The following LVRN variants were observed in gnomAD, a reference collection of about 807,000 sequenced individuals.
The protein encoded by LVRN is aminopeptidase Q.
In LVRN, 99 loss-of-function variants were observed where a neutral mutation model predicts 111.4. The ratio of observed to expected loss-of-function variants is 0.89; its 90% CI spans 0.76 to 1.05. LVRN has a LOEUF of 1.05. LVRN is among the 50% of genes least tolerant of loss of function. The pLI is 0.00. For missense variants in LVRN, 1,414 were observed against 1,206.8 expected (o/e 1.17, Z -2.54); for synonymous variants, 488 against 449.5 (o/e 1.09, Z -1.08).
intron 1 of LVRN, among the ~76,000 whole-genome samples, chr5:115,980,152 C>T (rs1257276522): frequency 6.6e-6 from 1 of 152,018 alleles, no homozygotes; most frequent in African/African-American, 2.4e-5. Flanking sequence ...ACTTAATGGA[C>T]ACCATAATAG....
chr5:116,005,045 T>C (rs1302062389), intron 12 of LVRN, among the ~76,000 whole-genome samples: 1 of 152,228 alleles, frequency 6.6e-6, no homozygotes, highest in African/African-American at 2.4e-5. Context: ...ATTGAAACCA[T>C]TGTAGATTTA....
chr5:115,990,610 C>T (rs901220567), intron 4 of LVRN, among the ~76,000 whole-genome samples: 2 of 152,150 alleles, frequency 1.3e-5, no homozygotes, highest in African/African-American at 4.8e-5. Context: ...CTCACTCTAT[C>T]ACCCAGCCTA....
At chr5:116,009,154 A>G (rs1428990550) in intron 13 of LVRN, among the ~76,000 whole-genome samples, 1 of 152,020 alleles carries the variant, frequency 6.6e-6, no homozygotes, top group African/African-American at 2.4e-5. Flanking sequence ...TGCTAAATCA[A>G]CTCTGCTTGT....
chr5:115,985,452 G>C (rs1217348366), intron 3 of LVRN, among the ~76,000 whole-genome samples: 1 of 152,114 alleles, frequency 6.6e-6, no homozygotes, highest in Non-Finnish European at 1.5e-5. Flanking sequence ...TTTGTAGTTG[G>C]CCACATCACA....
intron 10 of LVRN, among the ~76,000 whole-genome samples, chr5:116,002,281 C>A (rs888093356): frequency 6.6e-6 from 1 of 152,164 alleles, no homozygotes; most frequent in South Asian, 2.1e-4. Context: ...CTTGCGATGA[C>A]GAATGTGCTT....
chr5:116,011,025 A>AACATAAAACCACAAATTTAAT (rs1385736553), intron 14 of LVRN, 131 bp downstream of exon 14: 1 of 253,708 alleles, frequency 3.9e-6, no homozygotes, highest in African/African-American at 2.8e-5. Context: ...ATATATATAT[A>AACATAAAACCACAAATTTAAT]TGGAAGTATA....
chr5:116,023,143 C>A (rs1369401535), intron 19 of LVRN, among the ~76,000 whole-genome samples: 1 of 152,160 alleles, frequency 6.6e-6, no homozygotes, highest in African/African-American at 2.4e-5. Context: ...CTGATTTATA[C>A]CCCCTCCTCG....
intron 16 of LVRN, 52 bp from the exon 17 acceptor site, chr5:116,015,200 C>A: frequency 1.2e-6 from 1 of 818,574 alleles, no homozygotes; most frequent in Non-Finnish European, 1.7e-6. Context: ...ATATGATAAC[C>A]TGGGTAAACA....
At position 115,963,278 on chromosome 5, in the gene LVRN, T is replaced by C; in HGVS notation, c.661T>C (p.Phe221Leu). 1 of 1,612,392 alleles carries C rather than the reference T, an allele frequency of 6.2e-7. No homozygotes were observed. The highest frequency in any genetic ancestry group is 8.5e-7 in the Non-Finnish European group (1 of 1,179,802). The change falls in exon 1 of 20, where the codon TTC (phenylalanine) becomes CTC (leucine). Residue 221 changes from phenylalanine (F) to leucine (L), a missense_variant. Phe to Leu is a conservative substitution (Grantham distance 22). Coordinates refer to ENST00000357872, the MANE Select transcript of LVRN (RefSeq NM_173800.5). The part of the protein sequence containing the change: ...LVKEDLREGL[F>L]LNVYTDQGER... ...GAAGGAAGACCTCAGGGAGGGACTC[T>C]TCCTCAACGTCTACACCGACCAGGG...
intron 2 of LVRN, 152 bp downstream of exon 2, chr5:115,983,581 A>C: frequency 1.2e-6 from 1 of 825,062 alleles, no homozygotes; most frequent in Non-Finnish European, 1.7e-6. Context: ...GATATGTGTC[A>C]GCATCCACAC....
intron 3 of LVRN, among the ~76,000 whole-genome samples, chr5:115,985,338 A>T (rs901396125): frequency 6.6e-6 from 1 of 152,148 alleles, no homozygotes; most frequent in African/African-American, 2.4e-5. Context: ...TTAAAGACAG[A>T]AGCATGGTCT....
Position 116,026,281 on chromosome 5 carries a change from C to A in LVRN, c.*163C>A. The A allele has an allele frequency of 9.1e-7, 1 of 1,097,250 alleles. No homozygotes were observed. Among genetic ancestry groups the A allele is most frequent in the Non-Finnish European group, 1.3e-6 (1 of 782,870 alleles). 68.0% of individuals were successfully genotyped at this position (1,097,250 alleles called of 1,614,324 possible). On this transcript the variant is annotated 3_prime_UTR_variant, in exon 20 of 20. Coordinates refer to ENST00000357872, the MANE Select transcript of LVRN (RefSeq NM_173800.5). ...TCTTCTCATATTGTCATGTTTGGCC[C>A]TGAGGGTGGGTGATTGCTGACAATT...
At position 116,023,182 on chromosome 5, in the gene LVRN, T is replaced by A. The variant is rs77477775; in HGVS notation, c.2832+716T>A. 3.9e-5 allele frequency among the ~76,000 whole-genome samples: 6 copies of A among 152,322 alleles called. No individual in the cohort carries two copies. In the East Asian group the frequency reaches 9.6e-4, roughly 24 times the overall value. ...ATGCTTTCAGGTCATCCTGTGAATA[T>A]ATTTTTACCACAGTGCTTCCTACAT... On this transcript the variant is annotated intron_variant, in intron 19 of 19. Coordinates refer to ENST00000357872, the MANE Select transcript of LVRN (RefSeq NM_173800.5).
chr5:116,015,474 AG>A (rs960817526), intron 17 of LVRN, 55 bp downstream of exon 17: 13 of 1,482,502 alleles, frequency 8.8e-6, no homozygotes, highest in African/African-American at 8.6e-5. Flanking sequence ...AAATTAATAA[AG>A]GAAAAAAAAT....
rs148108991 is a variant in LVRN, at chr5:116,015,834, C to G, written c.2756+69C>G. ...TTGGCACTGGAAGCTCAGCTTTAGT[C>G]TAGCTTGGAAGCTCAGCTTTAGTCT... On this transcript the variant is annotated intron_variant, in intron 18 of 19. Coordinates refer to ENST00000357872, the MANE Select transcript of LVRN (RefSeq NM_173800.5). 1.3e-5 allele frequency: 21 copies of G among 1,568,978 alleles called. No homozygotes were observed. In the East Asian group the frequency reaches 4.5e-4, roughly 34 times the overall value.
chr5:116,001,035 T>A (rs778070168), intron 9 of LVRN, 32 bp from the exon 10 acceptor site: 5 of 1,567,880 alleles, frequency 3.2e-6, no homozygotes, highest in Non-Finnish European at 4.3e-6. Flanking sequence ...ACGGATAACC[T>A]TACCTGCCTT....
intron 19 of LVRN, among the ~76,000 whole-genome samples, chr5:116,022,734 C>T (rs553278436): frequency 2.6e-5 from 4 of 152,224 alleles, no homozygotes; most frequent in Non-Finnish European, 5.9e-5. Flanking sequence ...CCGGGCTTCC[C>T]TCCATCCCAC....
At chr5:115,964,442 T>C (rs913273092) in intron 1 of LVRN, among the ~76,000 whole-genome samples, 1 of 152,230 alleles carries the variant, frequency 6.6e-6, no homozygotes, top group Non-Finnish European at 1.5e-5. Flanking sequence ...GGTTTTTCTT[T>C]AAAAAATACA....
chr5:116,015,472 A>G, intron 17 of LVRN, 53 bp downstream of exon 17: 1 of 1,481,172 alleles, frequency 6.8e-7, no homozygotes, highest in East Asian at 2.4e-5. Flanking sequence ...TTAAATTAAT[A>G]AAGGAAAAAA....
Sources: gnomAD v4.1 joint callset for allele counts (sites outside exome capture counted in the v4.1 genomes callset) on GRCh38, gnomAD v4.1.1 for gene constraint, MANE v1.5 for transcripts, NCBI Gene and HGNC (gene_info 2026-07-23, HGNC 2026-07-21) for gene names.